The following PBLD variants were observed in gnomAD, a reference collection of about 807,000 sequenced individuals.
PBLD encodes phenazine biosynthesis like protein domain containing.
A neutral mutation model predicts 31.3 loss-of-function variants in PBLD; 26 were observed. The observed-to-expected ratio is 0.83, with a 90% CI of 0.61 to 1.15. The LOEUF (loss-of-function observed/expected upper bound fraction) is 1.15. PBLD is among the 50% of genes most tolerant of loss of function. The probability of loss-of-function intolerance (pLI) is 0.00; values close to 1 mark genes in which losing one functional copy is unlikely to be tolerated. For missense variants in PBLD, 307 were observed against 351.7 expected, an observed-to-expected ratio of 0.87 and a Z score of 1.02; for synonymous variants, 114 against 129.0, an observed-to-expected ratio of 0.88 and a Z score of 0.79.
At chr10:68,326,493 C>T (rs2044922638) in intron 1 of PBLD, among the ~76,000 whole-genome samples, 1 of 152,144 alleles carries the variant, frequency 6.6e-6, no homozygotes, top group African/African-American at 2.4e-5. Context: ...ATTTATTCTG[C>T]CCACAGAATA....
intron 4 of PBLD, among the ~76,000 whole-genome samples, chr10:68,293,010 G>A (rs2044379802): frequency 6.6e-6 from 1 of 152,132 alleles, no homozygotes; most frequent in Non-Finnish European, 1.5e-5. Context: ...ACAGGCATGA[G>A]CCATAATGCC....
At chr10:68,310,561 C>T (rs2044652854) in intron 1 of PBLD, among the ~76,000 whole-genome samples, 1 of 149,810 alleles carries the variant, frequency 6.7e-6, no homozygotes, top group South Asian at 2.1e-4. Flanking sequence ...CTCCTATCTA[C>T]TGTAATTATG....
rs562815675 is a variant in PBLD, at chr10:68,310,405, A to T, written c.-59-3502T>A. On this transcript the variant is annotated intron_variant, in intron 1 of 9. Transcript: ENST00000358769. ...TATATACACATTGTGAAATGGTTAA[A>T]TCTAGCTAATTAACAAATGCATCAC... Among the ~76,000 whole-genome samples, 125 of 148,014 alleles carry T rather than the reference A, an allele frequency of 8.4e-4. 5 individuals carry two copies. Among genetic ancestry groups the T allele is most frequent in the African/African-American group, 3.0e-3 (121 of 40,144 alleles).
At chr10:68,310,194 A>G (rs1196142440) in intron 1 of PBLD, among the ~76,000 whole-genome samples, 1 of 149,964 alleles carries the variant, frequency 6.7e-6, no homozygotes, top group Non-Finnish European at 1.5e-5. Flanking sequence ...AACACCATCT[A>G]CTTTTTTTTC....
intron 1 of PBLD, among the ~76,000 whole-genome samples, chr10:68,332,474 C>A (rs548925723): frequency 6.6e-6 from 1 of 152,248 alleles, no homozygotes; most frequent in East Asian, 1.9e-4. Flanking sequence ...CAGCATTTTC[C>A]CCTTTCCCTG....
At chr10:68,312,658 G>A (rs1290036223) in intron 1 of PBLD, among the ~76,000 whole-genome samples, 2 of 131,828 alleles carry the variant, frequency 1.5e-5, no homozygotes, top group Non-Finnish European at 3.1e-5. Context: ...CTCCCAGACT[G>A]GAGTGCAGTG....
intron 2 of PBLD, among the ~76,000 whole-genome samples, chr10:68,305,677 C>A (rs2044567584): frequency 6.6e-6 from 1 of 152,038 alleles, no homozygotes; most frequent in African/African-American, 2.4e-5. Flanking sequence ...ATCACTTGAA[C>A]CCGGGAGGCG....
intron 1 of PBLD, chr10:68,332,353 G>A (rs1343227684): frequency 6.6e-6 from 1 of 152,166 alleles, no homozygotes; most frequent in Non-Finnish European, 1.5e-5. Context: ...GGAAGCGGCG[G>A]GGCTGCGCCT....
At chr10:68,327,554 TG>T (rs1320574578) in intron 1 of PBLD, among the ~76,000 whole-genome samples, 1 of 151,240 alleles carries the variant, frequency 6.6e-6, no homozygotes, top group Non-Finnish European at 1.5e-5. Flanking sequence ...CATGCATGCC[TG>T]TAATCCCACT....
intron 1 of PBLD, among the ~76,000 whole-genome samples, chr10:68,329,439 C>A (rs530441754): frequency 1.3e-5 from 2 of 152,280 alleles, no homozygotes; most frequent in Admixed American, 1.3e-4. Context: ...GGCAGTAAAA[C>A]AAATTGTTTG....
At chr10:68,299,994 G>A (rs940499045) in intron 2 of PBLD, among the ~76,000 whole-genome samples, 15 of 152,022 alleles carry the variant, frequency 9.9e-5, no homozygotes, top group Non-Finnish European at 7.4e-5. Context: ...GGGTTCAAGC[G>A]ATTCTCTCAT....
At chr10:68,326,800 G>A (rs1328274693) in intron 1 of PBLD, among the ~76,000 whole-genome samples, 2 of 152,206 alleles carry the variant, frequency 1.3e-5, no homozygotes, top group Non-Finnish European at 2.9e-5. Flanking sequence ...TGTAATCTCA[G>A]CACTTTGGGA....
At chr10:68,317,817 CAAAA>C (rs914487674) in intron 1 of PBLD, among the ~76,000 whole-genome samples, 3 of 148,888 alleles carry the variant, frequency 2.0e-5, no homozygotes, top group Admixed American at 6.7e-5. Context: ...AACAAACAAA[CAAAA>C]AAAATGTAGA....
rs903273937 is a variant in PBLD, at chr10:68,305,611, C to A, written c.84+1150G>T. Among the ~76,000 whole-genome samples, 23 of 152,134 alleles carry A rather than the reference C, an allele frequency of 1.5e-4. No individual in the cohort carries two copies. The South Asian group carries it at 2.9e-3, about 19-fold the overall frequency. ...TCTATTAAAAATATAAAAAATTAGT[C>A]GTGCATGGTGGCGGGCACCTGTAAT... is the stretch of plus-strand genomic sequence containing the variant. On this transcript the variant is annotated intron_variant, in intron 2 of 9. Coordinates refer to ENST00000358769, the MANE Select transcript of PBLD (RefSeq NM_022129.4).
chr10:68,295,440 C>T (rs2044411578), intron 4 of PBLD, among the ~76,000 whole-genome samples: 1 of 150,236 alleles, frequency 6.7e-6, no homozygotes, highest in Admixed American at 6.7e-5. Flanking sequence ...TTGCAGTGAA[C>T]TGATATCCTG....
intron 1 of PBLD, among the ~76,000 whole-genome samples, chr10:68,319,900 G>A (rs955133746): frequency 3.4e-5 from 5 of 148,738 alleles, no homozygotes; most frequent in Admixed American, 6.7e-5. Flanking sequence ...CTCGGCTCAC[G>A]GCAACCTCCG....
At chr10:68,293,883 GA>G (rs59264357) in intron 4 of PBLD, among the ~76,000 whole-genome samples, 113,399 of 151,924 alleles carry the variant, frequency 0.75, 43,085 homozygotes, top group Middle Eastern at 0.84. Context: ...GCTGAGGCAG[GA>G]AAATCACTTA....
chr10:68,311,328 T>C (rs1189696101), intron 1 of PBLD, among the ~76,000 whole-genome samples: 1 of 152,216 alleles, frequency 6.6e-6, no homozygotes, highest in East Asian at 1.9e-4. Flanking sequence ...GGCTCATACC[T>C]GTAATCCCAG....
At chr10:68,301,017 G>A (rs986023382) in intron 2 of PBLD, among the ~76,000 whole-genome samples, 1 of 151,936 alleles carries the variant, frequency 6.6e-6, no homozygotes, top group Admixed American at 6.6e-5. Flanking sequence ...CTGCCTCAGC[G>A]TCCTGAGTAG....
Sources: allele counts gnomAD v4.1 joint callset (sites outside exome capture counted in the v4.1 genomes callset), GRCh38; gene constraint gnomAD v4.1.1; transcripts MANE v1.5; gene names NCBI Gene and HGNC (gene_info 2026-07-23, HGNC 2026-07-21).